DOCK4: variants seen among roughly 807,000 people sequenced by gnomAD.
DOCK4 encodes dedicator of cytokinesis 4.
In DOCK4, 97 loss-of-function variants were observed where a neutral mutation model predicts 268.1. The observed-to-expected ratio is 0.36, with a 90% CI of 0.31 to 0.43. The LOEUF (loss-of-function observed/expected upper bound fraction) is 0.43. Among genes scored for constraint, DOCK4 ranks in the 20% least tolerant of loss-of-function variants. DOCK4 has a pLI of 1.00. For missense variants in DOCK4, 2,145 were observed against 2,455.7 expected, an observed-to-expected ratio of 0.87 and a Z score of 2.67; for synonymous variants, 954 against 887.2, an observed-to-expected ratio of 1.08 and a Z score of -1.34.
Position 111,735,119 on chromosome 7 carries a change from G to T in DOCK4, c.5354C>A (p.Ala1785Asp). The T allele has an allele frequency of 6.2e-7, 1 of 1,601,196 alleles. No homozygotes were observed. The highest frequency in any genetic ancestry group is 8.5e-7 in the Non-Finnish European group (1 of 1,173,788). ...TTTCCCACTATCCGACATGTTCTTG[G>T]CTTCCTTCCCACTGTCCAGGCTCCA... ...SSWSLDSGKE[A>D]KNMSDSGKLI... The change falls in exon 51 of 53, where the codon GCC becomes GAC. Residue 1785 changes from alanine (A) to aspartate (D), a missense_variant. Physicochemically the swap from Ala to Asp is moderately radical, Grantham distance 126. Coordinates refer to ENST00000428084, the MANE Select transcript of DOCK4 (RefSeq NM_001363540.2).
chr7:112,147,601 A>G (rs145738011), intron 1 of DOCK4, among the ~76,000 whole-genome samples: 1,729 of 152,198 alleles, frequency 0.011, 11 homozygotes, highest in Non-Finnish European at 0.017. Flanking sequence ...AAGTTTGCCC[A>G]CTTTCCTGTG....
chr7:112,044,915 C>T (rs188680318), intron 1 of DOCK4, among the ~76,000 whole-genome samples: 1 of 152,164 alleles, frequency 6.6e-6, no homozygotes, highest in Non-Finnish European at 1.5e-5. Flanking sequence ...AGCCCTCAGA[C>T]CATGAGCCTC....
intron 26 of DOCK4, among the ~76,000 whole-genome samples, chr7:111,829,560 T>A (rs1323721243): frequency 6.6e-6 from 1 of 152,216 alleles, no homozygotes; most frequent in African/African-American, 2.4e-5. Context: ...ATGATTTAGA[T>A]GACCTTAACA....
At chr7:112,110,416 A>G (rs529012670) in intron 1 of DOCK4, among the ~76,000 whole-genome samples, 3 of 152,336 alleles carry the variant, frequency 2.0e-5, no homozygotes, top group African/African-American at 7.2e-5. Context: ...TTAGAGCCAT[A>G]GTCTTCAGAG....
chr7:111,781,626 A>T (rs1018250162), intron 35 of DOCK4, among the ~76,000 whole-genome samples: 2 of 152,150 alleles, frequency 1.3e-5, no homozygotes, highest in African/African-American at 4.8e-5. Flanking sequence ...GTGGAGATGT[A>T]ACAATTAGAT....
At chr7:111,782,990 T>C in intron 34 of DOCK4, 66 bp from the exon 35 acceptor site, 1 of 1,379,836 alleles carries the variant, frequency 7.2e-7, no homozygotes, top group Non-Finnish European at 1.0e-6. Flanking sequence ...AGTTTGTTCT[T>C]TTTGGGGGAA....
chr7:111,929,160 A>G (rs981669768), intron 12 of DOCK4, among the ~76,000 whole-genome samples: 3 of 152,166 alleles, frequency 2.0e-5, no homozygotes, highest in Admixed American at 6.5e-5. Flanking sequence ...ACATGCATAT[A>G]TAAGTGTATA....
rs757519106 is a variant in DOCK4 at position 111,872,259 on chromosome 7, T to C, written c.1926+10A>G. On this transcript the variant is annotated intron_variant, in intron 19 of 52. Coordinates refer to ENST00000428084, the MANE Select transcript of DOCK4 (RefSeq NM_001363540.2). ...ACAGTTAAAATACAATTAAGGGAAT[T>C]TGAACTTACCAAAGAATCAAACACT... 2 of 1,519,862 alleles carry C rather than the reference T, an allele frequency of 1.3e-6. No individual in the cohort carries two copies. The highest frequency in any genetic ancestry group is 1.4e-5 in the African/African-American group (1 of 71,800). 94.1% of individuals were successfully genotyped at this position (1,519,862 alleles called of 1,614,324 possible). A position where few individuals can be genotyped will look rare whatever the true frequency, so the allele number is the denominator to read the frequency against.
intron 44 of DOCK4, among the ~76,000 whole-genome samples, chr7:111,743,244 A>C (rs1796047380): frequency 6.6e-6 from 1 of 152,180 alleles, no homozygotes; most frequent in African/African-American, 2.4e-5. Flanking sequence ...CAAATTCCAT[A>C]GACTGGGAGG....
At chr7:111,755,166 A>AAGC (rs1483743306) in intron 42 of DOCK4, among the ~76,000 whole-genome samples, 1 of 152,200 alleles carries the variant, frequency 6.6e-6, no homozygotes, top group Non-Finnish European at 1.5e-5. Flanking sequence ...AAATAAGATA[A>AAGC]AGCAGGTAGT....
chr7:111,860,228 G>C (rs1303990544), intron 23 of DOCK4, among the ~76,000 whole-genome samples: 2 of 152,198 alleles, frequency 1.3e-5, no homozygotes, highest in African/African-American at 4.8e-5. Context: ...TTCTGATTTA[G>C]AATGCCAAAG....
At chr7:112,044,441 T>C (rs1804657000) in intron 1 of DOCK4, among the ~76,000 whole-genome samples, 1 of 152,212 alleles carries the variant, frequency 6.6e-6, no homozygotes, top group Non-Finnish European at 1.5e-5. Flanking sequence ...ATCTTAGATA[T>C]TTTTATCTAG....
Position 111,872,253 on chromosome 7 carries a change from G to T in DOCK4, c.1926+16C>A. The T allele has an allele frequency of 6.7e-7, 1 of 1,501,392 alleles. No homozygotes were observed. Among genetic ancestry groups the T allele is most frequent in the Non-Finnish European group, 9.0e-7 (1 of 1,114,744 alleles). The allele number at this position is 1,501,392 out of a possible 1,614,324, so 93.0% of individuals were successfully genotyped here. A position where few individuals can be genotyped will look rare whatever the true frequency, so the allele number is the denominator to read the frequency against. ...GACAAAACAGTTAAAATACAATTAA[G>T]GGAATTTGAACTTACCAAAGAATCA... On this transcript the variant is annotated intron_variant, in intron 19 of 52. Coordinates refer to ENST00000428084, the MANE Select transcript of DOCK4 (RefSeq NM_001363540.2).
chr7:111,757,353 C>G (rs997580793), intron 41 of DOCK4, among the ~76,000 whole-genome samples: 7 of 152,100 alleles, frequency 4.6e-5, no homozygotes, highest in African/African-American at 1.7e-4. Context: ...AGTTCTAGGA[C>G]TGGAGCTACC....
intron 1 of DOCK4, among the ~76,000 whole-genome samples, chr7:112,155,961 A>G (rs1415980847): frequency 6.6e-6 from 1 of 152,208 alleles, no homozygotes; most frequent in Non-Finnish European, 1.5e-5. Context: ...ATTTAAAAAT[A>G]AAGAGCCATA....
At chr7:111,751,665 G>C (rs1012062575) in intron 42 of DOCK4, among the ~76,000 whole-genome samples, 1 of 152,068 alleles carries the variant, frequency 6.6e-6, no homozygotes, top group Non-Finnish European at 1.5e-5. Flanking sequence ...GGCTGGTCTT[G>C]AACTCCTGAC....
intron 1 of DOCK4, among the ~76,000 whole-genome samples, chr7:112,032,394 T>C (rs1048914996): frequency 6.6e-6 from 1 of 152,230 alleles, no homozygotes; most frequent in African/African-American, 2.4e-5. Flanking sequence ...TAAGAAGTTA[T>C]TTATACAAAT....
chr7:112,187,392 C>A lies in DOCK4; in HGVS notation c.37+18710G>T, dbSNP rs144526977. 6.5e-3 allele frequency among the ~76,000 whole-genome samples: 989 copies of A among 152,246 alleles called. 15 individuals carry two copies. Among genetic ancestry groups the A allele is most frequent in the African/African-American group, 0.022 (922 of 41,542 alleles). ...TGCGAATAATTTCAAATGTCTTTGTCTGTGCAACAGCCACATTTCCTTCTC... is the reference window on the plus strand; with the variant it reads ...TGCGAATAATTTCAAATGTCTTTGTATGTGCAACAGCCACATTTCCTTCTC... On this transcript the variant is annotated intron_variant, in intron 1 of 52. Coordinates refer to ENST00000428084, the MANE Select transcript of DOCK4 (RefSeq NM_001363540.2).
chr7:112,109,998 C>T, intron 1 of DOCK4, among the ~76,000 whole-genome samples: 1 of 151,984 alleles, frequency 6.6e-6, no homozygotes, highest in Admixed American at 6.6e-5. Flanking sequence ...CCCGCCTCGG[C>T]CTCCCAAAGT....
Sources: gnomAD v4.1 joint callset for allele counts (sites outside exome capture counted in the v4.1 genomes callset) on GRCh38, gnomAD v4.1.1 for gene constraint, MANE v1.5 for transcripts, NCBI Gene and HGNC (gene_info 2026-07-23, HGNC 2026-07-21) for gene names.